MORC1: variants seen among roughly 807,000 people sequenced by gnomAD.
The protein encoded by MORC1 is MORC family CW-type zinc finger 1, also known as MORC family CW-type zinc finger protein 1.
MORC1 carries 59 observed loss-of-function variants against 134.9 expected under a neutral mutation model. The observed-to-expected ratio is 0.44, with a 90% CI of 0.35 to 0.54. The LOEUF is 0.54. MORC1 is among the 20% of genes least tolerant of loss of function. The pLI is 0.00. For synonymous variants in MORC1, 395 were observed against 391.7 expected, an observed-to-expected ratio of 1.01 and a Z score of -0.10; for missense variants, 947 against 1,134.5, an observed-to-expected ratio of 0.83 and a Z score of 2.37.
chr3:108,979,587 A>T lies in MORC1; in HGVS notation c.2405T>A (p.Val802Asp). The change falls in exon 24 of 28, where the codon GTT (valine) becomes GAT (aspartate). Residue 802 changes from valine to aspartate, a missense_variant. By Grantham distance (152) the Val-to-Asp change is radical (BLOSUM62 -3). Transcript: ENST00000232603. Reference sequence around the variant, plus strand: ...TTGAGAAGACGCTGGCGAAGAAGCAACTTTACAACTGCCACTCACAGAAAC... The same window carrying T: ...TTGAGAAGACGCTGGCGAAGAAGCATCTTTACAACTGCCACTCACAGAAAC... ...ARVSVSGSCK[V>D]ASSPASSQST... The T allele has an allele frequency of 6.2e-7, 1 of 1,614,210 alleles. No homozygotes were observed. The highest frequency in any genetic ancestry group is 8.5e-7 in the Non-Finnish European group (1 of 1,180,026).
At chr3:109,012,863 C>T (rs951148141) in intron 17 of MORC1, among the ~76,000 whole-genome samples, 1 of 152,052 alleles carries the variant, frequency 6.6e-6, no homozygotes, top group Non-Finnish European at 1.5e-5. Flanking sequence ...AAACTTTTAC[C>T]TCTTCTTCTG....
intron 14 of MORC1, among the ~76,000 whole-genome samples, chr3:109,039,564 C>T (rs1341421314): frequency 6.6e-6 from 1 of 152,156 alleles, no homozygotes; most frequent in Non-Finnish European, 1.5e-5. Flanking sequence ...CTACTGAAGG[C>T]TTACAACTTT....
chr3:109,051,796 G>A (rs1949837236), intron 14 of MORC1, among the ~76,000 whole-genome samples: 2 of 152,034 alleles, frequency 1.3e-5, no homozygotes, highest in Admixed American at 1.3e-4. Context: ...ATTAGATAAG[G>A]ACAGGGAATT....
intron 17 of MORC1, among the ~76,000 whole-genome samples, chr3:109,022,140 C>A (rs1309607630): frequency 6.6e-6 from 1 of 152,110 alleles, no homozygotes; most frequent in African/African-American, 2.4e-5. Flanking sequence ...TAGACAAGGG[C>A]CTTTAGGTGT....
chr3:109,042,518 T>G (rs1194528470), intron 14 of MORC1, among the ~76,000 whole-genome samples: 1 of 152,166 alleles, frequency 6.6e-6, no homozygotes, highest in Non-Finnish European at 1.5e-5. Context: ...AAAAATAATA[T>G]GGAGTTTCCT....
At chr3:109,070,249 T>C (rs550645445) in intron 8 of MORC1, among the ~76,000 whole-genome samples, 1 of 152,228 alleles carries the variant, frequency 6.6e-6, no homozygotes, top group African/African-American at 2.4e-5. Flanking sequence ...CTTCATTCCA[T>C]AAGTGCAATA....
At chr3:109,039,782 T>C (rs67975270) in intron 14 of MORC1, among the ~76,000 whole-genome samples, 18,283 of 152,162 alleles carry the variant, frequency 0.12, 1,169 homozygotes, top group Non-Finnish European at 0.14. Context: ...CACAGAAGTA[T>C]AGATGAAGAG....
chr3:109,065,581 T>C (rs1950177610), intron 9 of MORC1, among the ~76,000 whole-genome samples: 1 of 152,210 alleles, frequency 6.6e-6, no homozygotes, highest in South Asian at 2.1e-4. Context: ...TCTAAAAAGT[T>C]GCAAGTTCTA....
chr3:109,061,279 A>C (rs984642905), intron 11 of MORC1, among the ~76,000 whole-genome samples: 5 of 152,214 alleles, frequency 3.3e-5, no homozygotes, highest in South Asian at 2.1e-4. Flanking sequence ...TTGCTTAATC[A>C]TTCACCATCA....
At position 109,086,353 on chromosome 3, in the gene MORC1, T is replaced by C. The variant is rs369144281; in HGVS notation, c.689+7083A>G. Reference sequence around the variant, plus strand: ...ATCATATACCCTGAAAATATGTATATCTATTATTTACCAATATACTCTTTT... The same window carrying C: ...ATCATATACCCTGAAAATATGTATACCTATTATTTACCAATATACTCTTTT... On this transcript the variant is annotated intron_variant, in intron 8 of 27. Transcript: ENST00000232603. Among the ~76,000 whole-genome samples, 163 of 152,148 alleles carry C rather than the reference T, an allele frequency of 1.1e-3. 1 individual carries two copies. Among genetic ancestry groups the C allele is most frequent in the African/African-American group, 3.9e-3 (160 of 41,508 alleles).
intron 17 of MORC1, among the ~76,000 whole-genome samples, chr3:109,016,915 TGTGTGCTGTA>T (rs1948828506): frequency 2.0e-5 from 3 of 152,092 alleles, no homozygotes; most frequent in Non-Finnish European, 4.4e-5. Flanking sequence ...CCATCACACC[TGTGTGCTGTA>T]TTTCTTCAAT....
intron 17 of MORC1, among the ~76,000 whole-genome samples, chr3:109,020,765 A>AAAAAAAAAAAC (rs1553750381): frequency 8.3e-6 from 1 of 120,206 alleles, no homozygotes. Context: ...ACTCTGTCTC[A>AAAAAAAAAAAC]AAAAAAAAAA....
At chr3:109,058,654 A>C (rs1950015079) in intron 12 of MORC1, among the ~76,000 whole-genome samples, 2 of 152,050 alleles carry the variant, frequency 1.3e-5, no homozygotes, top group African/African-American at 4.8e-5. Flanking sequence ...TGTATATCTA[A>C]GGTTAAATAT....
At position 109,055,373 on chromosome 3, in the gene MORC1, C is replaced by T. The variant is rs532223946; in HGVS notation, c.1176-491G>A. ...AGTTGGCTTATCCATGAGGATCTCA[C>T]TGGAAATCTGGTTGGTGACATAACC... On this transcript the variant is annotated intron_variant, in intron 13 of 27. Transcript: ENST00000232603. 2.6e-5 allele frequency among the ~76,000 whole-genome samples: 4 copies of T among 152,348 alleles called. No individual in the cohort carries two copies. In the East Asian group the frequency reaches 7.7e-4, roughly 29 times the overall value.
chr3:109,018,230 T>C (rs1393826784), intron 17 of MORC1, among the ~76,000 whole-genome samples: 2 of 152,130 alleles, frequency 1.3e-5, no homozygotes, highest in African/African-American at 4.8e-5. Context: ...GAAAATACTT[T>C]TATGTTTCTG....
At chr3:109,019,933 T>C (rs930006580) in intron 17 of MORC1, among the ~76,000 whole-genome samples, 12 of 152,196 alleles carry the variant, frequency 7.9e-5, no homozygotes, top group African/African-American at 2.9e-4. Context: ...ATGAAAAATA[T>C]GTAATTCTCC....
At chr3:109,003,010 A>G (rs111233677) in intron 20 of MORC1, among the ~76,000 whole-genome samples, 2 of 152,154 alleles carry the variant, frequency 1.3e-5, no homozygotes, top group African/African-American at 2.4e-5. Flanking sequence ...TTACATTTCA[A>G]TCCTAAAAGG....
intron 9 of MORC1, among the ~76,000 whole-genome samples, chr3:109,068,294 T>G (rs1661182387): frequency 6.6e-6 from 1 of 152,228 alleles, no homozygotes; most frequent in African/African-American, 2.4e-5. Context: ...TGTGAGATCC[T>G]GGTGCATCTA....
At chr3:109,082,626 T>C (rs1260941029) in intron 8 of MORC1, among the ~76,000 whole-genome samples, 1 of 152,092 alleles carries the variant, frequency 6.6e-6, no homozygotes, top group South Asian at 2.1e-4. Flanking sequence ...CTGAGAAATA[T>C]ACTTACTGAA....
Sources: gnomAD v4.1 joint callset for allele counts (sites outside exome capture counted in the v4.1 genomes callset) on GRCh38, gnomAD v4.1.1 for gene constraint, MANE v1.5 for transcripts, NCBI Gene and HGNC (gene_info 2026-07-23, HGNC 2026-07-21) for gene names.